Variants in RAB33A observed in about 807,000 individuals in gnomAD.
The protein encoded by RAB33A is RAB33A, member RAS oncogene family, also known as ras-related protein Rab-33A.
Under a neutral mutation model 12.0 loss-of-function variants are expected in RAB33A, and 6 were observed. The ratio of observed to expected loss-of-function variants is 0.50; its 90% CI spans 0.27 to 0.99. RAB33A has a LOEUF of 0.99. Ranked by LOEUF, RAB33A falls within the 50% of genes least tolerant of loss-of-function variation. RAB33A has a pLI of 0.11. For missense variants in RAB33A, 109 were observed against 192.0 expected, an observed-to-expected ratio of 0.57 and a Z score of 2.55; for synonymous variants, 70 against 82.4, an observed-to-expected ratio of 0.85 and a Z score of 0.81.
chrX:130,125,932 C>A, the RAB33A span, among the ~76,000 whole-genome samples: 2 of 112,325 alleles, frequency 1.8e-5, no homozygotes, highest in Admixed American at 1.9e-4. Flanking sequence ...ATTAGGACAC[C>A]CCCTGCTGTG....
At chrX:130,165,738 A>G in the RAB33A span, 1 of 808,348 alleles carries the variant, frequency 1.2e-6, no homozygotes. Context: ...AGCCCCGGCC[A>G]GCTCCCCCAG....
the RAB33A span, chrX:130,135,919 C>T: frequency 1.1e-6 from 1 of 922,548 alleles, no homozygotes; most frequent in African/African-American, 1.9e-5. Flanking sequence ...TATTCTGTAC[C>T]CTCAGCCTCC....
chrX:130,169,156 C>T (rs1431225000), upstream of RAB33A, among the ~76,000 whole-genome samples: 6 of 104,849 alleles, frequency 5.7e-5, no homozygotes, highest in Non-Finnish European at 1.2e-4. Context: ...TGCAGTGAGC[C>T]GAGATTGTGT....
chrX:130,182,139 CAA>C (rs1188540923), intron 1 of RAB33A, among the ~76,000 whole-genome samples: 76 of 30,486 alleles, frequency 2.5e-3, no homozygotes, highest in South Asian at 0.01. Flanking sequence ...TCTGTCTCTA[CAA>C]AAAAAAAAAA....
At chrX:130,173,555 G>A (rs1569425934) in intron 1 of RAB33A, among the ~76,000 whole-genome samples, 1 of 112,052 alleles carries the variant, frequency 8.9e-6, no homozygotes, top group Non-Finnish European at 1.9e-5. Context: ...TTCTAAAAAT[G>A]GCTTCAGAAA....
At chrX:130,161,260 C>T in the RAB33A span, among the ~76,000 whole-genome samples, 2 of 110,759 alleles carry the variant, frequency 1.8e-5, no homozygotes, top group East Asian at 5.7e-4. Flanking sequence ...CACTTGTAAT[C>T]CCAGCACTTT....
At chrX:130,180,691 C>T (rs968426622) in intron 1 of RAB33A, among the ~76,000 whole-genome samples, 2 of 102,670 alleles carry the variant, frequency 1.9e-5, no homozygotes, top group East Asian at 3.3e-4. Context: ...CTCCTGATCT[C>T]GTGATCCGCC....
chrX:130,123,982 C>A, the RAB33A span, among the ~76,000 whole-genome samples: 1 of 112,115 alleles, frequency 8.9e-6, no homozygotes, highest in Non-Finnish European at 1.9e-5. Context: ...TGCCAGTAAT[C>A]CCAGCACTAT....
chrX:130,174,029 G>A (rs1007127313), intron 1 of RAB33A, among the ~76,000 whole-genome samples: 4 of 112,075 alleles, frequency 3.6e-5, no homozygotes, highest in African/African-American at 9.7e-5. Flanking sequence ...AAGGAGGGAG[G>A]AAGAAGCTAG....
At chrX:130,151,889 A>C in the RAB33A span, among the ~76,000 whole-genome samples, 1 of 110,470 alleles carries the variant, frequency 9.1e-6, no homozygotes, top group African/African-American at 3.3e-5. Context: ...AAATACAAAA[A>C]GTACCTGGGT....
At chrX:130,175,038 A>G (rs2031650092) in intron 1 of RAB33A, among the ~76,000 whole-genome samples, 1 of 111,681 alleles carries the variant, frequency 9.0e-6, no homozygotes, top group African/African-American at 3.3e-5. Context: ...TGAATAAGCA[A>G]AGAGCCCAGG....
intron 1 of RAB33A, among the ~76,000 whole-genome samples, chrX:130,177,592 A>G (rs1344638608): frequency 9.0e-6 from 1 of 111,687 alleles, no homozygotes; most frequent in African/African-American, 3.3e-5. Flanking sequence ...AGTGTATATT[A>G]GGCACTGGGT....
the RAB33A span, among the ~76,000 whole-genome samples, chrX:130,128,496 C>T: frequency 3.6e-5 from 4 of 111,426 alleles, no homozygotes; most frequent in Admixed American, 9.6e-5. Context: ...CACTTGAATC[C>T]GGGAGGTAGA....
rs746332861 is a variant in RAB33A at position 130,184,647 on chromosome X, C to T, written c.621C>T (p.Ser207=). 1.7e-6 allele frequency: 2 copies of T among 1,211,781 alleles called. No homozygotes were observed. Among genetic ancestry groups the T allele is most frequent in the African/African-American group, 1.7e-5 (1 of 57,777 alleles). ...CTTGCCGATTGAAGGCCCAGAAATC[C>T]CTGCTGTATCGTGATGCTGAGAGGC... is the stretch of plus-strand genomic sequence containing the variant. ...CLACRLKAQK[S]LLYRDAERQQ... Residue 207 remains serine (S), a synonymous_variant, in exon 2 of 2, where the codon TCC becomes TCT. Transcript: ENST00000257017.
At chrX:130,181,230 G>A (rs1051863101) in intron 1 of RAB33A, among the ~76,000 whole-genome samples, 16 of 109,972 alleles carry the variant, frequency 1.5e-4, no homozygotes, top group African/African-American at 5.3e-4. Context: ...GGGAGATGAC[G>A]GGGAGCCTGG....
intron 1 of RAB33A, 43 bp from the exon 2 acceptor site, chrX:130,184,242 G>A (rs771365742): frequency 8.9e-7 from 1 of 1,119,685 alleles, no homozygotes; most frequent in Non-Finnish European, 1.2e-6. Context: ...CTCTGTTCAT[G>A]TTCCCTTTTC....
At chrX:130,120,890 C>T in the RAB33A span, among the ~76,000 whole-genome samples, 2 of 113,066 alleles carry the variant, frequency 1.8e-5, no homozygotes, top group South Asian at 3.5e-4. Flanking sequence ...ACGCGGAACG[C>T]GGCGGCGGCG....
At chrX:130,147,889 G>T in the RAB33A span, 1 of 1,211,085 alleles carries the variant, frequency 8.3e-7, no homozygotes, top group Non-Finnish European at 1.1e-6. Flanking sequence ...GAAAGCAACA[G>T]AACAGACTGG....
chrX:130,169,831 C>T (rs767953783), upstream of RAB33A, among the ~76,000 whole-genome samples: 1 of 112,149 alleles, frequency 8.9e-6, no homozygotes, highest in Non-Finnish European at 1.9e-5. Flanking sequence ...TGGCAAAGGG[C>T]AAAGCCCCTT....
Sources: gnomAD v4.1 joint callset for allele counts (sites outside exome capture counted in the v4.1 genomes callset) on GRCh38, gnomAD v4.1.1 for gene constraint, MANE v1.5 for transcripts, NCBI Gene and HGNC (gene_info 2026-07-23, HGNC 2026-07-21) for gene names.